Variants in CACNA1A observed in about 807,000 individuals in gnomAD.
CACNA1A encodes the protein calcium voltage-gated channel subunit alpha1 A.
In CACNA1A, 57 loss-of-function variants were observed where a neutral mutation model predicts 262.4. The observed-to-expected ratio is 0.22, with a 90% CI of 0.18 to 0.27. The LOEUF (loss-of-function observed/expected upper bound fraction) is 0.27, where lower values mean the gene tolerates loss of function less well. Among genes scored for constraint, CACNA1A ranks in the 10% least tolerant of loss-of-function variants. The probability of loss-of-function intolerance (pLI) is 1.00; values close to 1 mark genes in which losing one functional copy is unlikely to be tolerated. For synonymous variants in CACNA1A, 1,431 were observed against 1,419.3 expected (o/e 1.01, Z -0.18); for missense variants, 2,526 against 3,562.8 (o/e 0.71, Z 7.41).
intron 10 of CACNA1A, among the ~76,000 whole-genome samples, chr19:13,320,352 G>A (rs1279691568): frequency 1.3e-5 from 2 of 151,866 alleles, no homozygotes; most frequent in South Asian, 2.1e-4. Context: ...TCACCAACCA[G>A]CAGATGACCT....
intron 3 of CACNA1A, among the ~76,000 whole-genome samples, chr19:13,381,632 C>CGGTGCAAAGGTCCAGCT (rs1404841808): frequency 6.6e-6 from 1 of 152,124 alleles, no homozygotes; most frequent in Non-Finnish European, 1.5e-5. Context: ...ATGGAACAGC[C>CGGTGCAAAGGTCCAGCT]GGTGCAAAGG....
intron 3 of CACNA1A, among the ~76,000 whole-genome samples, chr19:13,373,012 G>A (rs1383370385): frequency 6.6e-6 from 1 of 152,222 alleles, no homozygotes; most frequent in Non-Finnish European, 1.5e-5. Flanking sequence ...CCATTTCAGA[G>A]CTAAGTGATG....
At chr19:13,385,778 CTGAA>C (rs1410711539) in intron 3 of CACNA1A, among the ~76,000 whole-genome samples, 1 of 152,136 alleles carries the variant, frequency 6.6e-6, no homozygotes, top group Non-Finnish European at 1.5e-5. Context: ...TAAATGTTTA[CTGAA>C]TGAATAATGA....
chr19:13,319,049 C>T (rs534111347), intron 10 of CACNA1A, among the ~76,000 whole-genome samples: 24 of 151,602 alleles, frequency 1.6e-4, no homozygotes, highest in South Asian at 4.2e-4. Context: ...CCACCATGCC[C>T]GCTTAATTAA....
intron 1 of CACNA1A, among the ~76,000 whole-genome samples, chr19:13,501,444 G>T (rs936198297): frequency 2.0e-5 from 3 of 152,062 alleles, no homozygotes; most frequent in Non-Finnish European, 4.4e-5. Flanking sequence ...AAAGTGCTGG[G>T]ATTATAGGCG....
At chr19:13,291,008 C>T (rs2057524075) in intron 19 of CACNA1A, among the ~76,000 whole-genome samples, 1 of 152,164 alleles carries the variant, frequency 6.6e-6, no homozygotes, top group Non-Finnish European at 1.5e-5. Context: ...TTAACAAGCT[C>T]AGCCTGCAGA....
intron 3 of CACNA1A, among the ~76,000 whole-genome samples, chr19:13,379,922 CAAAAAA>C (rs56778542): frequency 9.9e-5 from 3 of 30,368 alleles, no homozygotes; most frequent in African/African-American, 2.8e-4. Flanking sequence ...GATGCCGTCT[CAAAAAA>C]AAAAAAAAAA....
Position 13,406,509 on chromosome 19 carries a change from A to ATGTATG in CACNA1A, c.540-34731_540-34730insCATACA, listed in dbSNP as rs1555781831. Among the ~76,000 whole-genome samples the ATGTATG allele has an allele frequency of 1.5e-3, 168 of 109,652 alleles. 3 individuals carry two copies. Among genetic ancestry groups the ATGTATG allele is most frequent in the East Asian group, 7.7e-3 (18 of 2,336 alleles). The allele number at this position is 109,652 out of a possible 152,430, so 71.9% of individuals were successfully genotyped here. On this transcript the variant is annotated intron_variant, in intron 3 of 46. Transcript: ENST00000360228. ...TATATATATATATATATATATATATATATGAAGGGAATCTGATCCCTAACA... is the reference window on the plus strand; with the variant it reads ...TATATATATATATATATATATATATATGTATGTATGAAGGGAATCTGATCCCTAACA...
chr19:13,309,301 C>T (rs1367338583), intron 12 of CACNA1A, among the ~76,000 whole-genome samples: 1 of 152,130 alleles, frequency 6.6e-6, no homozygotes, highest in Non-Finnish European at 1.5e-5. Flanking sequence ...AGCCACCACA[C>T]CTGGCCTCTT....
chr19:13,246,149 C>T (rs1213757353), intron 30 of CACNA1A, among the ~76,000 whole-genome samples: 1 of 152,228 alleles, frequency 6.6e-6, no homozygotes, highest in Non-Finnish European at 1.5e-5. Flanking sequence ...CCCAGCTCTG[C>T]TACCACAGCT....
At chr19:13,367,326 A>G (rs2059233042) in intron 4 of CACNA1A, among the ~76,000 whole-genome samples, 1 of 149,882 alleles carries the variant, frequency 6.7e-6, no homozygotes, top group African/African-American at 2.5e-5. Context: ...AAAAGGCAGA[A>G]CTAGGATTTG....
intron 40 of CACNA1A, chr19:13,213,892 C>T (rs539914379): frequency 2.3e-4 from 57 of 245,804 alleles, no homozygotes; most frequent in Non-Finnish European, 4.1e-4. Context: ...TTCTATGTTG[C>T]CCAGACTGGT....
intron 31 of CACNA1A, among the ~76,000 whole-genome samples, chr19:13,240,880 G>T (rs1389258166): frequency 2.6e-5 from 4 of 152,252 alleles, no homozygotes; most frequent in Non-Finnish European, 4.4e-5. Context: ...CCAGGAGAGG[G>T]CCTCAGTGGG....
chr19:13,224,150 C>G (rs2055344096), intron 38 of CACNA1A, among the ~76,000 whole-genome samples: 1 of 151,760 alleles, frequency 6.6e-6, no homozygotes, highest in Non-Finnish European at 1.5e-5. Context: ...TGGTGAAACC[C>G]CATCTCTACC....
intron 3 of CACNA1A, among the ~76,000 whole-genome samples, chr19:13,410,540 CTTTTTTTTTT>C (rs113290275): frequency 8.3e-6 from 1 of 120,716 alleles, no homozygotes; most frequent in Non-Finnish European, 1.7e-5. Context: ...ATTCTTTTTT[CTTTTTTTTTT>C]TTTTTTTAAG....
intron 30 of CACNA1A, 101 bp from the exon 31 acceptor site, chr19:13,245,366 G>A (rs137892044): frequency 1.7e-4 from 142 of 842,840 alleles, no homozygotes; most frequent in Non-Finnish European, 2.4e-4. Context: ...GCCCATCAGC[G>A]GAGTGCCCGG....
chr19:13,208,654 C>T, intron 46 of CACNA1A, 102 bp downstream of exon 46: 1 of 1,379,892 alleles, frequency 7.2e-7, no homozygotes, highest in South Asian at 1.5e-5. Flanking sequence ...CAGCCGGGAT[C>T]CGGGGACCTT....
intron 3 of CACNA1A, among the ~76,000 whole-genome samples, chr19:13,418,945 G>A (rs1238538352): frequency 6.6e-6 from 1 of 152,084 alleles, no homozygotes; most frequent in Non-Finnish European, 1.5e-5. Context: ...CCAGGCTGGA[G>A]TGCAGTGGCA....
chr19:13,240,702 T>C, intron 31 of CACNA1A, among the ~76,000 whole-genome samples: 1 of 150,728 alleles, frequency 6.6e-6, no homozygotes, highest in African/African-American at 2.5e-5. Flanking sequence ...AGTGACTGTG[T>C]GTGCATAGTG....
Sources: allele counts gnomAD v4.1 joint callset (sites outside exome capture counted in the v4.1 genomes callset), GRCh38; gene constraint gnomAD v4.1.1; transcripts MANE v1.5; gene names NCBI Gene and HGNC (gene_info 2026-07-23, HGNC 2026-07-21).